Variants in PELI2 observed in about 807,000 individuals in gnomAD.
PELI2 encodes the protein pellino E3 ubiquitin protein ligase family member 2.
In PELI2, 23 loss-of-function variants were observed where a neutral mutation model predicts 42.3. The observed-to-expected ratio is 0.54, with a 90% CI of 0.39 to 0.77. The LOEUF is 0.77. Ranked by LOEUF, PELI2 falls within the 30% of genes least tolerant of loss-of-function variation. The pLI is 0.00. For missense variants in PELI2, 463 were observed against 553.2 expected, an observed-to-expected ratio of 0.84 and a Z score of 1.64; for synonymous variants, 245 against 212.2, an observed-to-expected ratio of 1.15 and a Z score of -1.34.
chr14:56,301,155 A>C lies in PELI2; in HGVS notation c.*3989A>C, dbSNP rs1478159550. The C allele has an allele frequency of 6.5e-6, 1 of 152,692 alleles. No individual in the cohort carries two copies. 9.5% of individuals were successfully genotyped at this position (152,692 alleles called of 1,614,324 possible). A position where few individuals can be genotyped will look rare whatever the true frequency, so the allele number is the denominator to read the frequency against. Reference sequence around the variant, plus strand: ...ATTTACCATGTATTGTGTTATTAGCAGTTAAATTTTATGAATATGTTTGTA... The same window carrying C: ...ATTTACCATGTATTGTGTTATTAGCCGTTAAATTTTATGAATATGTTTGTA... On this transcript the variant is annotated 3_prime_UTR_variant, in exon 6 of 6. Transcript: ENST00000267460.
At chr14:56,137,994 T>C (rs1413570579) in intron 1 of PELI2, among the ~76,000 whole-genome samples, 1 of 152,202 alleles carries the variant, frequency 6.6e-6, no homozygotes, top group Non-Finnish European at 1.5e-5. Flanking sequence ...GGCTGTCTTG[T>C]GGCTGCTGTC....
intron 1 of PELI2, among the ~76,000 whole-genome samples, chr14:56,164,315 T>G (rs1359920837): frequency 6.6e-6 from 1 of 152,170 alleles, no homozygotes; most frequent in Admixed American, 6.5e-5. Context: ...ATTTTATCCT[T>G]CATTGTGTTG....
At chr14:56,172,357 A>T (rs1214901021) in intron 1 of PELI2, among the ~76,000 whole-genome samples, 1 of 152,194 alleles carries the variant, frequency 6.6e-6, no homozygotes, top group Admixed American at 6.5e-5. Flanking sequence ...GTCCCAGGGT[A>T]GTCGGCTTTT....
intron 2 of PELI2, among the ~76,000 whole-genome samples, chr14:56,188,061 C>T (rs3850298): frequency 0.13 from 19,974 of 152,212 alleles, 1,499 homozygotes; most frequent in Middle Eastern, 0.17. Flanking sequence ...CCTCCTTGGA[C>T]GTCTCCCCTC....
intron 2 of PELI2, among the ~76,000 whole-genome samples, chr14:56,192,311 G>T (rs1326381080): frequency 6.6e-6 from 1 of 152,130 alleles, no homozygotes; most frequent in Non-Finnish European, 1.5e-5. Context: ...CTAAAGTCGA[G>T]TCGTGTTAAA....
intron 1 of PELI2, among the ~76,000 whole-genome samples, chr14:56,135,985 T>C (rs1883676466): frequency 6.6e-6 from 1 of 152,198 alleles, no homozygotes; most frequent in East Asian, 1.9e-4. Context: ...TGGATGAGGC[T>C]TACCTCGTTG....
chr14:56,216,871 T>A lies in PELI2; in HGVS notation c.207+38407T>A, dbSNP rs139612896. 2.4e-3 allele frequency among the ~76,000 whole-genome samples: 365 copies of A among 152,354 alleles called. 2 individuals are homozygous for A. Among genetic ancestry groups the A allele is most frequent in the Non-Finnish European group, 3.9e-3 (266 of 68,038 alleles). On this transcript the variant is annotated intron_variant, in intron 2 of 5. Transcript: ENST00000267460. The stretch of plus-strand genomic sequence containing the variant: ...AGTTACTGCTTCTCTTGAGGCTGAT[T>A]AGCATGCAATGTTACACTGTCCCTA...
chr14:56,182,255 TG>T (rs1458554499), intron 2 of PELI2, among the ~76,000 whole-genome samples: 1 of 152,100 alleles, frequency 6.6e-6, no homozygotes, highest in Non-Finnish European at 1.5e-5. Flanking sequence ...TGGGTCTGGC[TG>T]GAAAATTTGG....
chr14:56,261,654 A>G (rs886327961), intron 2 of PELI2, among the ~76,000 whole-genome samples: 1 of 152,212 alleles, frequency 6.6e-6, no homozygotes, highest in African/African-American at 2.4e-5. Flanking sequence ...CAGTTTCCTT[A>G]TTTTACAAAA....
At chr14:56,164,040 C>T (rs1884863278) in intron 1 of PELI2, among the ~76,000 whole-genome samples, 2 of 152,106 alleles carry the variant, frequency 1.3e-5, no homozygotes, top group Admixed American at 6.5e-5. Flanking sequence ...TTTGGATGCC[C>T]TTTACATCTT....
intron 2 of PELI2, among the ~76,000 whole-genome samples, chr14:56,207,998 A>T (rs1011708102): frequency 1.3e-5 from 2 of 152,210 alleles, no homozygotes; most frequent in Admixed American, 1.3e-4. Context: ...TTCCAGACAT[A>T]TAAGTTGTAA....
In PELI2 at chr14:56,300,263, A is replaced by G. The variant is rs890802706; in HGVS notation, c.*3097A>G. 2.0e-5 allele frequency: 3 copies of G among 152,678 alleles called. No homozygotes were observed. Among genetic ancestry groups the G allele is most frequent in the Non-Finnish European group, 4.4e-5 (3 of 68,044 alleles). The allele number at this position is 152,678 out of a possible 1,614,324, so 9.5% of individuals were successfully genotyped here. On this transcript the variant is annotated 3_prime_UTR_variant, in exon 6 of 6. Transcript: ENST00000267460. ...TTTAAAGAAAGGAGAAAGCCATTGG[A>G]AAAATGATGGGCTCCATTAAGGAGA...
At chr14:56,227,701 G>A (rs1887409857) in intron 2 of PELI2, among the ~76,000 whole-genome samples, 1 of 152,232 alleles carries the variant, frequency 6.6e-6, no homozygotes, top group Non-Finnish European at 1.5e-5. Context: ...CCAGATCTCG[G>A]TTTCTATATA....
intron 2 of PELI2, among the ~76,000 whole-genome samples, chr14:56,243,518 C>A (rs1888050729): frequency 1.3e-5 from 2 of 152,300 alleles, no homozygotes; most frequent in South Asian, 4.2e-4. Context: ...GATAATACTA[C>A]CTCCTTCTAA....
At chr14:56,287,529 A>G (rs907156296) in intron 3 of PELI2, among the ~76,000 whole-genome samples, 1 of 152,208 alleles carries the variant, frequency 6.6e-6, no homozygotes, top group Non-Finnish European at 1.5e-5. Context: ...TTAACAAGTT[A>G]TGTGTTTTCA....
rs1467865641 is a variant in PELI2, at chr14:56,299,273, G to A, written c.*2107G>A. On this transcript the variant is annotated 3_prime_UTR_variant, in exon 6 of 6. Coordinates refer to ENST00000267460, the MANE Select transcript of PELI2 (RefSeq NM_021255.3). ...TTTCCATTTCAAGTCCTGTTTATAA[G>A]TCTAGTCATTCTGCAACGTGACATA... The A allele has an allele frequency of 6.6e-6, 1 of 152,164 alleles. No homozygotes were observed. Among genetic ancestry groups the A allele is most frequent in the African/African-American group, 2.4e-5 (1 of 41,440 alleles). The allele number at this position is 152,164 out of a possible 1,614,324, so 9.4% of individuals were successfully genotyped here.
chr14:56,189,907 C>T (rs1885898513), intron 2 of PELI2, among the ~76,000 whole-genome samples: 1 of 152,126 alleles, frequency 6.6e-6, no homozygotes, highest in Non-Finnish European at 1.5e-5. Flanking sequence ...ACTTTGAAAG[C>T]CAGTGCCTTT....
intron 2 of PELI2, among the ~76,000 whole-genome samples, chr14:56,277,815 T>C (rs1052150833): frequency 3.3e-5 from 5 of 152,192 alleles, no homozygotes; most frequent in Non-Finnish European, 5.9e-5. Context: ...AGGTAAGCTG[T>C]TTTAAGCATG....
chr14:56,221,662 C>T (rs1426254096), intron 2 of PELI2, among the ~76,000 whole-genome samples: 1 of 151,694 alleles, frequency 6.6e-6, no homozygotes, highest in Non-Finnish European at 1.5e-5. Context: ...TGTAGATGCT[C>T]AAAGGGAAAT....
Sources: gnomAD v4.1 joint callset for allele counts (sites outside exome capture counted in the v4.1 genomes callset) on GRCh38, gnomAD v4.1.1 for gene constraint, MANE v1.5 for transcripts, NCBI Gene and HGNC (gene_info 2026-07-23, HGNC 2026-07-21) for gene names.